BCKDHB: variants seen among roughly 807,000 people sequenced by gnomAD.
BCKDHB encodes the protein branched chain keto acid dehydrogenase E1 subunit beta.
A neutral mutation model predicts 48.5 loss-of-function variants in BCKDHB; 41 were observed. The observed-to-expected ratio is 0.85, with a 90% CI of 0.66 to 1.10. The LOEUF is 1.10. Ranked by LOEUF, BCKDHB falls within the 50% of genes least tolerant of loss-of-function variation. BCKDHB has a pLI of 0.00. For missense variants in BCKDHB, 496 were observed against 494.2 expected (o/e 1.00, Z -0.03); for synonymous variants, 201 against 174.8 (o/e 1.15, Z -1.18).
chr6:80,200,864 TAA>T, intron 6 of BCKDHB, 68 bp from the exon 7 acceptor site: 2 of 1,254,538 alleles, frequency 1.6e-6, no homozygotes, highest in East Asian at 4.7e-5. Flanking sequence ...GTGAGCTTCT[TAA>T]ATTATTTTAT....
At chr6:80,458,132 G>T in the BCKDHB span, among the ~76,000 whole-genome samples, 215 of 152,264 alleles carry the variant, frequency 1.4e-3, 4 homozygotes, top group East Asian at 0.032. Flanking sequence ...ACTGAATGGG[G>T]CAAACTCTTG....
the BCKDHB span, among the ~76,000 whole-genome samples, chr6:80,445,701 A>G: frequency 6.6e-6 from 1 of 152,202 alleles, no homozygotes; most frequent in Non-Finnish European, 1.5e-5. Flanking sequence ...ATGAGCCTTG[A>G]ACCTACCCTT....
At chr6:80,264,259 A>T (rs1401681468) in intron 8 of BCKDHB, among the ~76,000 whole-genome samples, 1 of 152,148 alleles carries the variant, frequency 6.6e-6, no homozygotes, top group Non-Finnish European at 1.5e-5. Context: ...GTATTAGCAC[A>T]TGTGGTTCAA....
intron 1 of BCKDHB, among the ~76,000 whole-genome samples, 194 bp downstream of exon 1, chr6:80,107,083 C>T (rs1183862054): frequency 6.6e-6 from 1 of 151,788 alleles, no homozygotes; most frequent in Non-Finnish European, 1.5e-5. Context: ...CTGTTCAGCC[C>T]TCGAGACGCA....
intron 1 of BCKDHB, among the ~76,000 whole-genome samples, chr6:80,122,406 A>G (rs908423503): frequency 2.0e-5 from 3 of 152,172 alleles, no homozygotes; most frequent in African/African-American, 7.2e-5. Context: ...TATTGATTGG[A>G]ATAGTTCCAG....
chr6:80,456,009 G>C, the BCKDHB span, among the ~76,000 whole-genome samples: 2 of 152,088 alleles, frequency 1.3e-5, no homozygotes, highest in Non-Finnish European at 2.9e-5. Flanking sequence ...TGGATCAGGA[G>C]TTTGAGACCA....
chr6:80,278,970 T>G (rs1243609569), intron 9 of BCKDHB, among the ~76,000 whole-genome samples: 1 of 152,196 alleles, frequency 6.6e-6, no homozygotes, highest in Admixed American at 6.5e-5. Flanking sequence ...AAAACATTTG[T>G]GTAATAAAAT....
intron 3 of BCKDHB, among the ~76,000 whole-genome samples, chr6:80,157,628 G>T (rs1286106714): frequency 1.3e-5 from 2 of 151,350 alleles, no homozygotes; most frequent in East Asian, 3.9e-4. Flanking sequence ...ACCACACCTG[G>T]CTAATTTTTT....
the BCKDHB span, among the ~76,000 whole-genome samples, chr6:80,443,136 C>T: frequency 6.6e-6 from 1 of 152,076 alleles, no homozygotes; most frequent in East Asian, 1.9e-4. Context: ...TCTAAGCATC[C>T]CTTTTCCCAC....
At chr6:80,137,218 A>AT (rs1175485929) in intron 3 of BCKDHB, among the ~76,000 whole-genome samples, 1 of 151,964 alleles carries the variant, frequency 6.6e-6, no homozygotes, top group Non-Finnish European at 1.5e-5. Flanking sequence ...ACCTTTTGTG[A>AT]TTTTTCCAAA....
intron 7 of BCKDHB, among the ~76,000 whole-genome samples, 156 bp downstream of exon 7, chr6:80,201,187 T>C (rs77952351): frequency 2.6e-5 from 4 of 152,210 alleles, no homozygotes; most frequent in Non-Finnish European, 5.9e-5. Context: ...CTCAACTTTA[T>C]TGGTGTGTAA....
the BCKDHB span, among the ~76,000 whole-genome samples, chr6:80,399,627 T>A: frequency 6.6e-6 from 1 of 152,124 alleles, no homozygotes; most frequent in African/African-American, 2.4e-5. Context: ...CATTCCATGC[T>A]CATGAACAGG....
intron 3 of BCKDHB, among the ~76,000 whole-genome samples, chr6:80,138,326 G>T (rs1770999193): frequency 1.3e-5 from 2 of 151,854 alleles, no homozygotes; most frequent in African/African-American, 2.4e-5. Context: ...AAGTTTTAGG[G>T]TACATATGCA....
the BCKDHB span, among the ~76,000 whole-genome samples, chr6:80,399,700 C>A: frequency 6.6e-6 from 1 of 152,080 alleles, no homozygotes; most frequent in African/African-American, 2.4e-5. Context: ...AACACTATTC[C>A]TATAAAATTA....
rs555835348 is a variant in BCKDHB, at chr6:80,111,512, C to T, written c.196+4623C>T. Among the ~76,000 whole-genome samples the T allele has an allele frequency of 1.9e-4, 29 of 152,276 alleles. No individual in the cohort carries two copies. The South Asian group carries it at 5.8e-3, about 30-fold the overall frequency. ...CTTTATCCAATTCTCGTTTTTCTTGCATTTGAAGCAAGAGTCTTTGTTGTG... is the reference window on the plus strand; with the variant it reads ...CTTTATCCAATTCTCGTTTTTCTTGTATTTGAAGCAAGAGTCTTTGTTGTG... On this transcript the variant is annotated intron_variant, in intron 1 of 9. Transcript: ENST00000320393.
intron 8 of BCKDHB, among the ~76,000 whole-genome samples, chr6:80,222,699 A>T (rs756109295): frequency 5.3e-5 from 8 of 152,112 alleles, no homozygotes; most frequent in Non-Finnish European, 8.8e-5. Flanking sequence ...TGTAATTTTT[A>T]ATATCCTTAT....
chr6:80,127,831 C>T (rs561073252), intron 2 of BCKDHB, among the ~76,000 whole-genome samples: 1 of 152,172 alleles, frequency 6.6e-6, no homozygotes, highest in African/African-American at 2.4e-5. Flanking sequence ...AGTCAGCTTT[C>T]TCTTACAGTG....
At chr6:80,333,135 T>C (rs1240550444) in intron 9 of BCKDHB, among the ~76,000 whole-genome samples, 1 of 152,162 alleles carries the variant, frequency 6.6e-6, no homozygotes, top group Non-Finnish European at 1.5e-5. Context: ...ATAATAGCAC[T>C]AAGTACAGAA....
At chr6:80,233,774 G>C (rs1776033024) in intron 8 of BCKDHB, among the ~76,000 whole-genome samples, 1 of 152,158 alleles carries the variant, frequency 6.6e-6, no homozygotes, top group African/African-American at 2.4e-5. Flanking sequence ...GTTTTATTCA[G>C]AGACTTCTAA....
Sources: allele counts gnomAD v4.1 joint callset (sites outside exome capture counted in the v4.1 genomes callset), GRCh38; gene constraint gnomAD v4.1.1; transcripts MANE v1.5; gene names NCBI Gene and HGNC (gene_info 2026-07-23, HGNC 2026-07-21).